The following MYO9B variants were observed in gnomAD, a reference collection of about 807,000 sequenced individuals.
The protein encoded by MYO9B is myosin IXB, also known as unconventional myosin-IXb.
Under a neutral mutation model 229.5 loss-of-function variants are expected in MYO9B, and 71 were observed. That is an observed-to-expected ratio of 0.31 (90% CI 0.26 to 0.38). The LOEUF (loss-of-function observed/expected upper bound fraction) is 0.38. Among genes scored for constraint, MYO9B ranks in the 10% least tolerant of loss-of-function variants. The pLI is 1.00. For missense variants in MYO9B, 2,255 were observed against 2,920.5 expected, an observed-to-expected ratio of 0.77 and a Z score of 5.25; for synonymous variants, 1,185 against 1,235.8, an observed-to-expected ratio of 0.96 and a Z score of 0.86.
chr19:17,206,125 C>T lies in MYO9B; in HGVS notation c.5230C>T (p.Arg1744Trp), dbSNP rs1042685237. ...CAAGTCGGGTGCTGCCAACCGCACT[C>T]GGGAGCTCCGGCAGGCGCTGCAGAC... ...YRKSGAANRT[R>W]ELRQALQTDP... Residue 1744 changes from arginine to tryptophan, a missense_variant, in exon 32 of 40, where the codon CGG becomes TGG. Coordinates refer to ENST00000682292, the MANE Select transcript of MYO9B (RefSeq NM_004145.4). 12 of 1,607,008 alleles carry T rather than the reference C, an allele frequency of 7.5e-6. No homozygotes were observed. The highest frequency in any genetic ancestry group is 7.7e-6 in the Non-Finnish European group (9 of 1,175,528).
rs764014793 is a variant in MYO9B, at chr19:17,211,718, C to T, written c.6002C>T (p.Thr2001Met). 7 of 1,612,406 alleles carry T rather than the reference C, an allele frequency of 4.3e-6. No individual in the cohort carries two copies. Among genetic ancestry groups the T allele is most frequent in the Non-Finnish European group, 3.4e-6 (4 of 1,179,650 alleles). The change falls in exon 39 of 40, where the codon ACG becomes ATG. Residue 2001 changes from threonine to methionine, a missense_variant. Thr to Met is a moderately conservative substitution (Grantham distance 81). This residue lies in a region of MYO9B where 331 missense variants were observed against 332.5 expected (regional missense o/e 1.00). Coordinates refer to ENST00000682292, the MANE Select transcript of MYO9B (RefSeq NM_004145.4). ...GSDEENLDSE[T>M]SASTESLLEE... is the part of the protein sequence containing the mutation. ...GACGAGGAGAACCTGGACTCGGAGA[C>T]GTCGGCCAGCACCGAGAGCCTGCTG...
In MYO9B at chr19:17,156,945, C is replaced by G. The variant is rs1431489312; in HGVS notation, c.1236C>G (p.Gly412=). ...TCCTCTCGGCCATCCTGTACCTGGG[C>G]AACGTCACTTATAAGAAGAGAGCTA... ...FAVLSAILYL[G]NVTYKKRATG... is the part of the protein sequence containing the mutation. Residue 412 remains glycine (G), a synonymous_variant, in exon 7 of 40, where the codon GGC becomes GGG. Transcript: ENST00000682292. The G allele has an allele frequency of 6.2e-7, 1 of 1,613,840 alleles. No individual in the cohort carries two copies.
In MYO9B at chr19:17,206,372, C is replaced by T. The variant is rs1004915244; in HGVS notation, c.5382C>T (p.Ala1794=). Reference sequence around the variant, plus strand: ...CACAGTACGGCGACTTCCTCCGAGCCGTCGGTGAGCCCCATGGCGGTGCGG... The same window carrying T: ...CACAGTACGGCGACTTCCTCCGAGCTGTCGGTGAGCCCCATGGCGGTGCGG... ...TFAQYGDFLR[A]VELPEKQEQL... The change falls in exon 33 of 40, where the codon GCC becomes GCT. Residue 1794 remains alanine (A), a synonymous_variant. Transcript: ENST00000682292. The T allele has an allele frequency of 6.2e-6, 10 of 1,609,958 alleles. No individual in the cohort carries two copies. The highest frequency in any genetic ancestry group is 3.3e-5 in the South Asian group (3 of 90,876).
chr19:17,190,307 C>A (rs1194031581), intron 19 of MYO9B, among the ~76,000 whole-genome samples: 1 of 150,824 alleles, frequency 6.6e-6, no homozygotes, highest in African/African-American at 2.4e-5. Flanking sequence ...GATTCTCCTT[C>A]CTCAGCCTCT....
chr19:17,200,280 C>T lies in MYO9B; in HGVS notation c.4239-13C>T. The T allele has an allele frequency of 6.2e-7, 1 of 1,603,098 alleles. No homozygotes were observed. The highest frequency in any genetic ancestry group is 1.3e-5 in the African/African-American group (1 of 74,138). Reference sequence around the variant, plus strand: ...TTTCAGACTTAAAAGAAGCCACGTACTTTCTCCTGCAGATCCACGTTTAAG... The same window carrying T: ...TTTCAGACTTAAAAGAAGCCACGTATTTTCTCCTGCAGATCCACGTTTAAG... On this transcript the variant is annotated splice_polypyrimidine_tract_variant and intron_variant, in intron 24 of 39. Transcript: ENST00000682292.
chr19:17,210,979 T>TTTTC, intron 38 of MYO9B, 131 bp downstream of exon 38: 2 of 360,862 alleles, frequency 5.5e-6, no homozygotes, highest in Non-Finnish European at 8.5e-6. Flanking sequence ...AAACAACACT[T>TTTTC]TTTTTTTTTT....
chr19:17,167,534 T>C (rs115799681), intron 10 of MYO9B, among the ~76,000 whole-genome samples: 4,803 of 148,596 alleles, frequency 0.032, 259 homozygotes, highest in African/African-American at 0.11. Context: ...GGAGTAGGAC[T>C]AATGGCGCAA....
intron 34 of MYO9B, 114 bp downstream of exon 34, chr19:17,206,898 G>A: frequency 1.6e-6 from 2 of 1,233,506 alleles, no homozygotes; most frequent in East Asian, 2.5e-5. Context: ...GAACCAGGAT[G>A]CAGACCACTG....
intron 1 of MYO9B, among the ~76,000 whole-genome samples, chr19:17,086,837 G>A (rs774241872): frequency 1.5e-4 from 23 of 150,958 alleles, no homozygotes; most frequent in South Asian, 6.3e-4. Flanking sequence ...CTGAGATAGC[G>A]CTACTGCACT....
chr19:17,190,059 C>T lies in MYO9B; in HGVS notation c.2689-1038C>T, dbSNP rs570416959. Among the ~76,000 whole-genome samples the T allele has an allele frequency of 1.6e-4, 15 of 90,998 alleles. No homozygotes were observed. The South Asian group carries it at 1.8e-3, about 11-fold the overall frequency. 59.7% of individuals were successfully genotyped at this position (90,998 alleles called of 152,430 possible). On this transcript the variant is annotated intron_variant, in intron 19 of 39. Coordinates refer to ENST00000682292, the MANE Select transcript of MYO9B (RefSeq NM_004145.4). The stretch of plus-strand genomic sequence containing the variant: ...CAGCCTGGGCGGCAAAACAAGACTC[C>T]GTCTCAAAAAAAAAAAAAAAAAAGA...
At chr19:17,160,012 G>T (rs1340815493) in intron 8 of MYO9B, among the ~76,000 whole-genome samples, 1 of 152,172 alleles carries the variant, frequency 6.6e-6, no homozygotes, top group African/African-American at 2.4e-5. Context: ...TCTCAAGCCT[G>T]TGACTCTAAA....
At chr19:17,114,786 C>T (rs2057884643) in intron 2 of MYO9B, among the ~76,000 whole-genome samples, 1 of 152,022 alleles carries the variant, frequency 6.6e-6, no homozygotes, top group Non-Finnish European at 1.5e-5. Context: ...TCAGGTCTCG[C>T]TCCTTTAAGC....
intron 2 of MYO9B, among the ~76,000 whole-genome samples, chr19:17,120,930 C>T (rs1170880499): frequency 2.0e-5 from 3 of 152,124 alleles, no homozygotes; most frequent in Non-Finnish European, 4.4e-5. Context: ...AGCCCTCATA[C>T]CCGGTCTGGG....
At chr19:17,166,857 G>A (rs1469043740) in intron 10 of MYO9B, among the ~76,000 whole-genome samples, 1 of 152,148 alleles carries the variant, frequency 6.6e-6, no homozygotes, top group East Asian at 1.9e-4. Context: ...TGGCTGGGTA[G>A]TATTCCTTGA....
chr19:17,117,255 T>C (rs939245331), intron 2 of MYO9B, among the ~76,000 whole-genome samples: 14 of 152,162 alleles, frequency 9.2e-5, no homozygotes, highest in Non-Finnish European at 1.5e-5. Flanking sequence ...ATTTGTTTCC[T>C]AGTGATTATC....
At chr19:17,167,258 C>A (rs577085833) in intron 10 of MYO9B, among the ~76,000 whole-genome samples, 1 of 147,822 alleles carries the variant, frequency 6.8e-6, no homozygotes, top group Non-Finnish European at 1.5e-5. Flanking sequence ...GTCTCAAACT[C>A]CTGGACTCAA....
At chr19:17,165,807 G>T (rs188211123) in intron 10 of MYO9B, among the ~76,000 whole-genome samples, 13 of 152,120 alleles carry the variant, frequency 8.5e-5, no homozygotes, top group Admixed American at 4.6e-4. Flanking sequence ...GAAGATTCCT[G>T]TTGGACAACA....
At chr19:17,115,224 A>G (rs1034332197) in intron 2 of MYO9B, among the ~76,000 whole-genome samples, 2 of 152,092 alleles carry the variant, frequency 1.3e-5, no homozygotes, top group Admixed American at 6.5e-5. Context: ...GCCAGTGCCT[A>G]TCTCTACAAA....
chr19:17,176,104 A>T (rs2072785648), intron 14 of MYO9B, among the ~76,000 whole-genome samples: 1 of 152,068 alleles, frequency 6.6e-6, no homozygotes, highest in Admixed American at 6.6e-5. Context: ...ATCTCGGCTC[A>T]CTGCAGGCTC....
Sources: allele counts gnomAD v4.1 joint callset (sites outside exome capture counted in the v4.1 genomes callset), GRCh38; gene constraint gnomAD v4.1.1; regional missense constraint gnomAD v4.1.1; transcripts MANE v1.5; gene names NCBI Gene and HGNC (gene_info 2026-07-23, HGNC 2026-07-21).